Variants in KAZN observed in about 807,000 individuals in gnomAD.
KAZN encodes the protein kazrin, periplakin interacting protein.
KAZN carries 40 observed loss-of-function variants against 87.4 expected under a neutral mutation model. That is an observed-to-expected ratio of 0.46 (90% confidence interval 0.36 to 0.60). The LOEUF is 0.60. Ranked by LOEUF, KAZN falls within the 20% of genes least tolerant of loss-of-function variation. The pLI is 0.00. For missense variants in KAZN, 898 were observed against 1,073.9 expected, an observed-to-expected ratio of 0.84 and a Z score of 2.29; for synonymous variants, 466 against 458.3, an observed-to-expected ratio of 1.02 and a Z score of -0.22.
intron 2 of KAZN, among the ~76,000 whole-genome samples, chr1:14,520,375 CAG>C (rs1671523940): frequency 6.6e-6 from 1 of 151,850 alleles, no homozygotes; most frequent in Admixed American, 6.6e-5. Context: ...CAAGCAGGAA[CAG>C]GGGTTGGGGT....
At chr1:14,415,825 T>C (rs1664710152) in intron 2 of KAZN, among the ~76,000 whole-genome samples, 2 of 151,896 alleles carry the variant, frequency 1.3e-5, no homozygotes, top group African/African-American at 4.8e-5. Flanking sequence ...CCCCTTGTGC[T>C]TGTGTTGTTG....
intron 2 of KAZN, among the ~76,000 whole-genome samples, chr1:14,198,026 CAG>C (rs1273926454): frequency 1.7e-3 from 1 of 572 alleles, no homozygotes; most frequent in African/African-American, 0.017. Flanking sequence ...ATCATAGTAA[CAG>C]AGTAGTAGTA....
intron 1 of KAZN, among the ~76,000 whole-genome samples, chr1:14,136,965 G>A (rs74057294): frequency 0.024 from 3,688 of 152,230 alleles, 149 homozygotes; most frequent in African/African-American, 0.084. Context: ...CCGAGGGAGA[G>A]AAAGACTTTG....
At position 14,996,849 on chromosome 1, in the gene KAZN, G is replaced by A. The variant is rs768472101; in HGVS notation, c.418+35974G>A. On this transcript the variant is annotated intron_variant, in intron 2 of 14. Transcript: ENST00000376030. The surrounding 1 kb of genome is among the most constrained non-coding windows in gnomAD (Gnocchi z 5.9). The stretch of plus-strand genomic sequence containing the variant: ...ATGTGGGGCACTGGGAGGGAGGGCC[G>A]TTTGCCTGCGGCCCCATGACCTCGC... Among the ~76,000 whole-genome samples, 39 of 152,180 alleles carry A rather than the reference G, an allele frequency of 2.6e-4. No individual in the cohort carries two copies. The highest frequency in any genetic ancestry group is 1.0e-3 in the South Asian group (5 of 4,832).
intron 1 of KAZN, among the ~76,000 whole-genome samples, chr1:14,914,125 T>A (rs895234474): frequency 5.3e-5 from 8 of 152,204 alleles, no homozygotes; most frequent in African/African-American, 1.9e-4. Context: ...AAACAGACTG[T>A]TGGGCCTCGC....
intron 2 of KAZN, among the ~76,000 whole-genome samples, chr1:14,473,934 G>A (rs543416577): frequency 6.6e-6 from 1 of 152,288 alleles, no homozygotes; most frequent in South Asian, 2.1e-4. Flanking sequence ...TTGATCAGGT[G>A]ATCTGAAGTT....
intron 1 of KAZN, among the ~76,000 whole-genome samples, chr1:14,836,291 G>T (rs1422511886): frequency 6.6e-6 from 1 of 152,262 alleles, no homozygotes; most frequent in South Asian, 2.1e-4. Flanking sequence ...AGGTCCCCAG[G>T]TCCCAAGCCC....
At chr1:14,528,408 A>G (rs944726710) in intron 2 of KAZN, among the ~76,000 whole-genome samples, 2 of 151,080 alleles carry the variant, frequency 1.3e-5, no homozygotes, top group African/African-American at 4.9e-5. Flanking sequence ...AGAATCTGCC[A>G]CACGCTGACC....
intron 2 of KAZN, among the ~76,000 whole-genome samples, chr1:14,499,446 G>A (rs575076378): frequency 2.0e-5 from 3 of 152,296 alleles, no homozygotes; most frequent in South Asian, 2.1e-4. Context: ...TATTGATCCC[G>A]TGACAATTGC....
chr1:14,901,898 C>T lies in KAZN; in HGVS notation c.227-58786C>T, dbSNP rs927007786. Reference sequence around the variant, plus strand: ...TTGGGGAAATATACATGAAATACAACGAAGCTCTCAGGAGGTGGTCCTGAA... The same window carrying T: ...TTGGGGAAATATACATGAAATACAATGAAGCTCTCAGGAGGTGGTCCTGAA... On this transcript the variant is annotated intron_variant, in intron 1 of 14. Transcript: ENST00000376030. Among the ~76,000 whole-genome samples the T allele has an allele frequency of 4.6e-5, 7 of 152,304 alleles. No homozygotes were observed. The East Asian group carries it at 1.2e-3, about 25-fold the overall frequency.
At chr1:14,541,360 G>C (rs1449706500) in intron 2 of KAZN, among the ~76,000 whole-genome samples, 1 of 152,188 alleles carries the variant, frequency 6.6e-6, no homozygotes, top group Non-Finnish European at 1.5e-5. Context: ...TATACAATAA[G>C]TTCTTTCCTG....
At chr1:15,079,893 T>C (rs955096891) in intron 8 of KAZN, among the ~76,000 whole-genome samples, 2 of 152,198 alleles carry the variant, frequency 1.3e-5, no homozygotes, top group African/African-American at 4.8e-5. Flanking sequence ...AGGAAAGCTT[T>C]TGATGTATAG....
intron 1 of KAZN, among the ~76,000 whole-genome samples, chr1:14,131,304 A>G (rs1301638100): frequency 2.6e-5 from 4 of 152,312 alleles, no homozygotes; most frequent in African/African-American, 4.8e-5. Flanking sequence ...TAGCCAAACC[A>G]TATTACAGTG....
chr1:14,052,620 A>G (rs574538225), intron 1 of KAZN, among the ~76,000 whole-genome samples: 1 of 151,646 alleles, frequency 6.6e-6, no homozygotes, highest in East Asian at 1.9e-4. Flanking sequence ...TTTGGGCCCT[A>G]CTCCAGCTGT....
intron 1 of KAZN, among the ~76,000 whole-genome samples, chr1:14,127,700 G>A (rs1416914265): frequency 1.3e-5 from 2 of 152,162 alleles, no homozygotes; most frequent in African/African-American, 2.4e-5. Flanking sequence ...ATGGGGTTAC[G>A]AGAGAAAGGC....
intron 2 of KAZN, among the ~76,000 whole-genome samples, chr1:15,010,289 G>T (rs886533883): frequency 3.7e-4 from 56 of 151,320 alleles, no homozygotes; most frequent in African/African-American, 1.3e-3. Flanking sequence ...GGCTTGATCA[G>T]ATTCAGACTC....
chr1:14,117,691 A>G (rs576191946), intron 1 of KAZN, among the ~76,000 whole-genome samples: 2 of 152,266 alleles, frequency 1.3e-5, no homozygotes, highest in Admixed American at 6.5e-5. Context: ...TGCCAGTTAG[A>G]GATGAGATGA....
chr1:14,419,560 G>T (rs894882648), intron 2 of KAZN, among the ~76,000 whole-genome samples: 1 of 152,212 alleles, frequency 6.6e-6, no homozygotes, highest in Non-Finnish European at 1.5e-5. Context: ...TGGTCTCACT[G>T]ACTTCAAGAA....
rs779537750 is a variant in KAZN at position 15,069,552 on chromosome 1, G to A, written c.1222+3799G>A. ...TGAGGCAGGAGAATGGCATGAACCC[G>A]GGAGTTGGAGCTTGCAGTGAGCCGA... On this transcript the variant is annotated intron_variant, in intron 8 of 14. Coordinates refer to ENST00000376030, the MANE Select transcript of KAZN (RefSeq NM_201628.3). 1.5e-4 allele frequency among the ~76,000 whole-genome samples: 23 copies of A among 152,352 alleles called. 1 individual carries two copies. The highest frequency in any genetic ancestry group is 5.2e-4 in the Admixed American group (8 of 15,308).
Sources: allele counts gnomAD v4.1 joint callset (sites outside exome capture counted in the v4.1 genomes callset), GRCh38; gene constraint gnomAD v4.1.1; non-coding constraint Gnocchi (gnomAD v3.1); transcripts MANE v1.5; gene names NCBI Gene and HGNC (gene_info 2026-07-23, HGNC 2026-07-21).